Variants in ULBP3 observed in about 807,000 individuals in gnomAD.
The protein encoded by ULBP3 is UL16-binding protein 3.
In ULBP3, 25 loss-of-function variants were observed where a neutral mutation model predicts 24.9. The observed-to-expected ratio is 1.00, with a 90% CI of 0.73 to 1.40. ULBP3 has a LOEUF of 1.40. Ranked by LOEUF, ULBP3 falls within the 40% of genes most tolerant of loss-of-function variation. The probability of loss-of-function intolerance (pLI) is 0.00; values close to 1 mark genes in which losing one functional copy is unlikely to be tolerated. For missense variants in ULBP3, 306 were observed against 307.5 expected (o/e 1.00, Z 0.04); for synonymous variants, 114 against 114.7 (o/e 0.99, Z 0.04).
intron 1 of ULBP3, 108 bp downstream of exon 1, chr6:150,068,871 G>C: frequency 1.7e-6 from 2 of 1,179,854 alleles, no homozygotes; most frequent in Non-Finnish European, 2.3e-6. Flanking sequence ...GCAGTCCGGG[G>C]AGATCGCGCC....
In ULBP3 at chr6:150,066,101, C is replaced by A. The variant is rs769009568; in HGVS notation, c.150G>T (p.Trp50Cys). 4.3e-6 allele frequency: 7 copies of A among 1,614,188 alleles called. No homozygotes were observed. Among genetic ancestry groups the A allele is most frequent in the African/African-American group, 4.0e-5 (3 of 75,062 alleles). ...IIHLPRHGQQWCEVQSQVDQK... is the reference protein window; with the variant it reads ...IIHLPRHGQQCCEVQSQVDQK... ...GATCCACCTGGCTCTGGACCTCACA[C>A]CACTGTTGCCCATGTCTGGGCAAAT... is the stretch of plus-strand genomic sequence containing the variant. Residue 50 changes from tryptophan to cysteine, a missense_variant, in exon 2 of 5, where the codon TGG (tryptophan) becomes TGT (cysteine). Physicochemically the swap from Trp to Cys is radical, Grantham distance 215. Transcript: ENST00000367339.
chr6:150,066,087 C>G lies in ULBP3; in HGVS notation c.164G>C (p.Ser55Thr). Residue 55 changes from serine to threonine, a missense_variant, in exon 2 of 5, where the codon AGC becomes ACC. By Grantham distance (58) the Ser-to-Thr change is moderately conservative (BLOSUM62 1). Transcript: ENST00000367339. ...GAGAAAATTCTTCTGATCCACCTGG[C>G]TCTGGACCTCACACCACTGTTGCCC... ...RHGQQWCEVQ[S>T]QVDQKNFLSY... is the part of the protein sequence containing the mutation. 1 of 1,614,206 alleles carries G rather than the reference C, an allele frequency of 6.2e-7. No homozygotes were observed. The highest frequency in any genetic ancestry group is 2.2e-5 in the East Asian group (1 of 44,880).
intron 3 of ULBP3, among the ~76,000 whole-genome samples, 155 bp from the exon 4 acceptor site, chr6:150,064,868 G>T (rs914474821): frequency 2.0e-5 from 3 of 152,180 alleles, no homozygotes; most frequent in African/African-American, 7.2e-5. Context: ...GGGGTAGGAA[G>T]GGAGAAGGGG....
intron 1 of ULBP3, 63 bp downstream of exon 1, chr6:150,068,916 G>C: frequency 6.7e-7 from 1 of 1,483,708 alleles, no homozygotes; most frequent in Non-Finnish European, 9.1e-7. Flanking sequence ...TCTGAAACCC[G>C]CTGCAGTCCA....
chr6:150,062,346 TCA>T lies in ULBP3; in HGVS notation c.*1026_*1027del, dbSNP rs778212203. 5.3e-5 allele frequency among the ~76,000 whole-genome samples: 8 copies of T among 152,234 alleles called. No homozygotes were observed. The highest frequency in any genetic ancestry group is 1.2e-4 in the Non-Finnish European group (8 of 68,044). ...TTTCTTAGCTTATATTCCAGGATTTTCACAGTTTTATTACCTGCGCAACATAG... is the reference window on the plus strand; with the variant it reads ...TTTCTTAGCTTATATTCCAGGATTTTCAGTTTTATTACCTGCGCAACATAG... On this transcript the variant is annotated 3_prime_UTR_variant, in exon 5 of 5. Coordinates refer to ENST00000367339, the MANE Select transcript of ULBP3 (RefSeq NM_024518.3).
Position 150,065,553 on chromosome 6 carries a change from T to C in ULBP3, c.473A>G (p.Lys158Arg), listed in dbSNP as rs1460932782. ...GGCTCCAGCGTGAACCACTGTCCAC[T>C]TTCTGTTGTTTGAGTCAAAGAGGAG... ...KFLLFDSNNR[K>R]WTVVHAGARR... Residue 158 changes from lysine (K) to arginine (R), a missense_variant, in exon 3 of 5, where the codon AAG becomes AGG. Physicochemically the swap from Lys to Arg is conservative, Grantham distance 26 (BLOSUM62 2). Transcript: ENST00000367339. 1.9e-6 allele frequency: 3 copies of C among 1,614,066 alleles called. No homozygotes were observed. The highest frequency in any genetic ancestry group is 8.5e-7 in the Non-Finnish European group (1 of 1,180,026).
intron 1 of ULBP3, among the ~76,000 whole-genome samples, chr6:150,066,717 A>G (rs1205495171): frequency 6.6e-6 from 1 of 152,194 alleles, no homozygotes; most frequent in Non-Finnish European, 1.5e-5. Flanking sequence ...AGAAGTGCCC[A>G]TGCCAGAGTG....
chr6:150,064,801 C>T lies in ULBP3; in HGVS notation c.629-88G>A, dbSNP rs866883621. On this transcript the variant is annotated intron_variant, in intron 3 of 4. Coordinates refer to ENST00000367339, the MANE Select transcript of ULBP3 (RefSeq NM_024518.3). ...TTAGCTCCTGCTACCCCAGGTCATC[C>T]GGGAAGGCAGAGGATTTGTCTCCCC... The T allele has an allele frequency of 3.9e-5, 55 of 1,403,658 alleles. 1 individual carries two copies. The Middle Eastern group carries it at 3.6e-3, about 93-fold the overall frequency. 87.0% of individuals were successfully genotyped at this position (1,403,658 alleles called of 1,614,324 possible).
At position 150,065,866 on chromosome 6, in the gene ULBP3, T is replaced by C. The variant is rs747408735; in HGVS notation, c.352+33A>G. 3.4e-5 allele frequency: 54 copies of C among 1,609,850 alleles called. 1 individual carries two copies. The highest frequency in any genetic ancestry group is 4.4e-5 in the Non-Finnish European group (52 of 1,177,160). ...CAGAACAGCCCCTGAGCCCACAGTC[T>C]GCTCCCTTCTGTCCTTGGTCTCTTT... On this transcript the variant is annotated intron_variant, in intron 2 of 4. Coordinates refer to ENST00000367339, the MANE Select transcript of ULBP3 (RefSeq NM_024518.3).
chr6:150,068,943 G>A, intron 1 of ULBP3, 36 bp downstream of exon 1: 1 of 1,559,682 alleles, frequency 6.4e-7, no homozygotes, highest in African/African-American at 1.3e-5. Flanking sequence ...CCCAGGTTTG[G>A]CCCCCGCCCC....
At chr6:150,064,848 A>G in intron 3 of ULBP3, 135 bp from the exon 4 acceptor site, 1 of 873,560 alleles carries the variant, frequency 1.1e-6, no homozygotes, top group Non-Finnish European at 1.8e-6. Flanking sequence ...AGCCGCTGTG[A>G]CAGGTCCTGG....
chr6:150,068,872 A>T, intron 1 of ULBP3, 107 bp downstream of exon 1: 1 of 1,177,164 alleles, frequency 8.5e-7, no homozygotes, highest in South Asian at 1.7e-5. Flanking sequence ...CAGTCCGGGG[A>T]GATCGCGCCG....
Position 150,065,425 on chromosome 6 carries a change from G to T in ULBP3, c.601C>A (p.His201Asn). 6.2e-7 allele frequency: 1 copy of T among 1,614,128 alleles called. No individual in the cohort carries two copies. Among genetic ancestry groups the T allele is most frequent in the South Asian group, 1.1e-5 (1 of 91,072 alleles). Residue 201 changes from histidine to asparagine, a missense_variant, in exon 3 of 5, where the codon CAC (histidine) becomes AAC (asparagine). Coordinates refer to ENST00000367339, the MANE Select transcript of ULBP3 (RefSeq NM_024518.3). ...CKSWLRDFLM[H>N]RKKRLEPTAP... The stretch of plus-strand genomic sequence containing the variant: ...GTGGGTTCCAGCCTCTTCTTCCTGT[G>T]CATCAGGAAGTCCCTAAGCCAGCTC...
At position 150,065,387 on chromosome 6, in the gene ULBP3, C is replaced by T. The variant is rs1254853903; in HGVS notation, c.628+11G>A. ...TCTCCAACATGCTCCCAGTGCTCCC[C>T]TGTCAGTTACCTGTGGGTTCCAGCC... On this transcript the variant is annotated intron_variant, in intron 3 of 4. Transcript: ENST00000367339. 6.2e-7 allele frequency: 1 copy of T among 1,612,640 alleles called. No individual in the cohort carries two copies.
rs1294765745 is a variant in ULBP3 at position 150,066,027 on chromosome 6, A to G, written c.224T>C (p.Met75Thr). 2 of 1,614,210 alleles carry G rather than the reference A, an allele frequency of 1.2e-6. No individual in the cohort carries two copies. Among genetic ancestry groups the G allele is most frequent in the Non-Finnish European group, 1.7e-6 (2 of 1,180,048 alleles). The change falls in exon 2 of 5, where the codon ATG (methionine) becomes ACG (threonine). Residue 75 changes from methionine (M) to threonine (T), a missense_variant. By Grantham distance (81) the Met-to-Thr change is moderately conservative (BLOSUM62 -1). Transcript: ENST00000367339. ...YDCGSDKVLS[M>T]GHLEEQLYAT... ...ATACAGCTGCTCTTCTAGGTGACCC[A>G]TAGATAAGACCTTGTCACTGCCACA...
chr6:150,067,627 T>G (rs1223628755), intron 1 of ULBP3, among the ~76,000 whole-genome samples: 4 of 152,162 alleles, frequency 2.6e-5, no homozygotes, highest in Admixed American at 6.5e-5. Flanking sequence ...ACTATTATAG[T>G]TTGTGCTGGT....
intron 1 of ULBP3, among the ~76,000 whole-genome samples, chr6:150,066,814 G>C (rs1776354252): frequency 6.6e-6 from 1 of 152,138 alleles, no homozygotes; most frequent in African/African-American, 2.4e-5. Context: ...ATATAAAGAA[G>C]GCCCCAGGAG....
At chr6:150,065,750 C>A (rs1776336965) in intron 2 of ULBP3, 77 bp from the exon 3 acceptor site, 10 of 1,587,728 alleles carry the variant, frequency 6.3e-6, no homozygotes, top group East Asian at 2.2e-5. Flanking sequence ...ATGCTGAGAC[C>A]ATTCTCATCT....
At chr6:150,068,752 C>A (rs542847470) in intron 1 of ULBP3, among the ~76,000 whole-genome samples, 2 of 152,326 alleles carry the variant, frequency 1.3e-5, no homozygotes, top group East Asian at 1.9e-4. Flanking sequence ...CACCCTCCTG[C>A]GGTTCTTTTT....
Sources: gnomAD v4.1 joint callset for allele counts (sites outside exome capture counted in the v4.1 genomes callset) on GRCh38, gnomAD v4.1.1 for gene constraint, MANE v1.5 for transcripts, NCBI Gene and HGNC (gene_info 2026-07-23, HGNC 2026-07-21) for gene names.